Variants in MAP2 observed in about 807,000 individuals in gnomAD.
MAP2 encodes the protein microtubule associated protein 2.
A neutral mutation model predicts 137.6 loss-of-function variants in MAP2; 14 were observed. That is an observed-to-expected ratio of 0.10 (90% confidence interval 0.07 to 0.16). MAP2 has a LOEUF of 0.16. MAP2 is among the 10% of genes least tolerant of loss of function. The probability of loss-of-function intolerance (pLI) is 1.00; values close to 1 mark genes in which losing one functional copy is unlikely to be tolerated. For missense variants in MAP2, 2,088 were observed against 2,191.5 expected (o/e 0.95, Z 0.94); for synonymous variants, 786 against 782.3 (o/e 1.00, Z -0.08).
Position 209,693,712 on chromosome 2 carries a change from T to G in MAP2, c.1542T>G (p.Ser514=). The change falls in exon 8 of 16, where the codon TCT becomes TCG. Residue 514 remains serine (S), a synonymous_variant. Coordinates refer to ENST00000682079, the MANE Select transcript of MAP2 (RefSeq NM_001375505.1). ...CAGTTACAGATTCAGCCATGACCTC[T>G]AAAACACTGGAGAAAGCCATGACCG... ...EQAVTDSAMT[S]KTLEKAMTEP... 6.2e-7 allele frequency: 1 copy of G among 1,613,318 alleles called. No homozygotes were observed. Among genetic ancestry groups the G allele is most frequent in the Non-Finnish European group, 8.5e-7 (1 of 1,179,848 alleles).
At chr2:209,546,270 G>C (rs1215996249) in intron 2 of MAP2, among the ~76,000 whole-genome samples, 1 of 152,144 alleles carries the variant, frequency 6.6e-6, no homozygotes, top group Non-Finnish European at 1.5e-5. Flanking sequence ...GTATATCTCT[G>C]TATACATGTA....
chr2:209,697,279 T>C (rs2060441047), intron 10 of MAP2, among the ~76,000 whole-genome samples: 1 of 152,182 alleles, frequency 6.6e-6, no homozygotes, highest in Admixed American at 6.5e-5. Context: ...CAGTGCGTGA[T>C]TGTATCTTGG....
At chr2:209,659,753 C>T (rs1329406043) in intron 5 of MAP2, among the ~76,000 whole-genome samples, 1 of 151,468 alleles carries the variant, frequency 6.6e-6, no homozygotes, top group African/African-American at 2.4e-5. Context: ...AAATGCTGAT[C>T]ACAGACCGGG....
At chr2:209,522,528 G>A (rs767481966) in intron 2 of MAP2, among the ~76,000 whole-genome samples, 26 of 152,038 alleles carry the variant, frequency 1.7e-4, no homozygotes, top group Non-Finnish European at 3.1e-4. Flanking sequence ...AATAACTTTT[G>A]AAAGTGCTGT....
intron 5 of MAP2, among the ~76,000 whole-genome samples, chr2:209,677,844 AG>A (rs2052651682): frequency 6.6e-6 from 1 of 151,996 alleles, no homozygotes; most frequent in Non-Finnish European, 1.5e-5. Flanking sequence ...GAAAAATACT[AG>A]TTCTTTAGAA....
chr2:209,437,559 T>A (rs1258612265), intron 1 of MAP2, among the ~76,000 whole-genome samples: 1 of 151,586 alleles, frequency 6.6e-6, no homozygotes, highest in Non-Finnish European at 1.5e-5. Flanking sequence ...AATTAAATAA[T>A]TGGCCTAATT....
Position 209,695,340 on chromosome 2 carries a change from C to T in MAP2, c.3170C>T (p.Ala1057Val), listed in dbSNP as rs773685415. 6.2e-7 allele frequency: 1 copy of T among 1,613,944 alleles called. No homozygotes were observed. The highest frequency in any genetic ancestry group is 1.1e-5 in the South Asian group (1 of 91,030). ...AAAATTAGTGACTTTGGACAGATGG[C>T]TTCAGGGCTAAACATAGATGATAGA... ...DVKISDFGQM[A>V]SGLNIDDRRA... is the part of the protein sequence containing the mutation. The change falls in exon 8 of 16, where the codon GCT becomes GTT. Residue 1057 changes from alanine (A) to valine (V), a missense_variant. Physicochemically the swap from Ala to Val is moderately conservative, Grantham distance 64. Coordinates refer to ENST00000682079, the MANE Select transcript of MAP2 (RefSeq NM_001375505.1).
intron 1 of MAP2, among the ~76,000 whole-genome samples, chr2:209,428,526 T>C (rs1693222715): frequency 6.6e-6 from 1 of 152,092 alleles, no homozygotes; most frequent in Non-Finnish European, 1.5e-5. Context: ...AGATTGCTCC[T>C]TTCTTTCAGT....
chr2:209,723,812 C>G, intron 13 of MAP2: 1 of 653,640 alleles, frequency 1.5e-6, no homozygotes, highest in South Asian at 1.9e-5. Flanking sequence ...TTCCACATGT[C>G]TCCCTGGTAT....
intron 7 of MAP2, chr2:209,690,904 T>C: frequency 1.7e-6 from 2 of 1,210,752 alleles, no homozygotes; most frequent in East Asian, 5.7e-5. Context: ...CTCCAGTGGC[T>C]TACCAACCTG....
At chr2:209,663,367 T>C (rs2044606247) in intron 5 of MAP2, among the ~76,000 whole-genome samples, 1 of 152,086 alleles carries the variant, frequency 6.6e-6, no homozygotes, top group East Asian at 1.9e-4. Context: ...TCGTGAGTCC[T>C]GGGGGAAAAG....
chr2:209,490,573 G>A (rs1276276818), intron 1 of MAP2, among the ~76,000 whole-genome samples: 5 of 104,780 alleles, frequency 4.8e-5, no homozygotes, highest in African/African-American at 1.9e-4. Flanking sequence ...AAAATAAAGG[G>A]ATGGAGGAAG....
intron 5 of MAP2, among the ~76,000 whole-genome samples, chr2:209,666,188 G>A (rs1356984409): frequency 1.3e-5 from 2 of 152,050 alleles, no homozygotes; most frequent in African/African-American, 2.4e-5. Context: ...GAGCTTTACT[G>A]GAACACAAAT....
At chr2:209,586,633 A>T (rs186831125) in intron 3 of MAP2, among the ~76,000 whole-genome samples, 1 of 152,168 alleles carries the variant, frequency 6.6e-6, no homozygotes, top group Non-Finnish European at 1.5e-5. Flanking sequence ...GTAAGAGTAG[A>T]TGCTAAGAGA....
intron 2 of MAP2, among the ~76,000 whole-genome samples, chr2:209,540,203 T>C (rs1156386712): frequency 3.3e-5 from 5 of 150,850 alleles, no homozygotes; most frequent in Non-Finnish European, 7.4e-5. Flanking sequence ...AAATATATAG[T>C]GACCACTTTC....
chr2:209,426,570 C>T lies in MAP2; in HGVS notation c.-222+2294C>T, dbSNP rs77558896. 2.4e-4 allele frequency among the ~76,000 whole-genome samples: 36 copies of T among 152,294 alleles called. No individual in the cohort carries two copies. The East Asian group carries it at 6.4e-3, about 27-fold the overall frequency. On this transcript the variant is annotated intron_variant, in intron 1 of 15. Transcript: ENST00000682079. Reference sequence around the variant, plus strand: ...GCTGAAAGAGCATGACCCAGTGAAACTGGCACAGCCATTACCTCATCCTAG... The same window carrying T: ...GCTGAAAGAGCATGACCCAGTGAAATTGGCACAGCCATTACCTCATCCTAG...
chr2:209,630,657 T>G (rs2092905335), intron 4 of MAP2, among the ~76,000 whole-genome samples: 1 of 152,018 alleles, frequency 6.6e-6, no homozygotes, highest in South Asian at 2.1e-4. Context: ...TGAATTTTAT[T>G]GTTGTATAAA....
At chr2:209,430,222 T>G (rs1271693584) in intron 1 of MAP2, among the ~76,000 whole-genome samples, 1 of 151,090 alleles carries the variant, frequency 6.6e-6, no homozygotes, top group Non-Finnish European at 1.5e-5. Context: ...AACTTATTTA[T>G]TGTTTGAACA....
intron 2 of MAP2, among the ~76,000 whole-genome samples, chr2:209,512,615 A>G (rs1401147145): frequency 6.6e-6 from 1 of 151,570 alleles, no homozygotes; most frequent in African/African-American, 2.4e-5. Context: ...ACATATATAT[A>G]TAAAATGTAT....
Sources: allele counts gnomAD v4.1 joint callset (sites outside exome capture counted in the v4.1 genomes callset), GRCh38; gene constraint gnomAD v4.1.1; transcripts MANE v1.5; gene names NCBI Gene and HGNC (gene_info 2026-07-23, HGNC 2026-07-21).